MACROD2: variants seen among roughly 807,000 people sequenced by gnomAD.
MACROD2 encodes the protein mono-ADP ribosylhydrolase 2.
MACROD2 carries 36 observed loss-of-function variants against 70.4 expected under a neutral mutation model. That is an observed-to-expected ratio of 0.51 (90% CI 0.39 to 0.68). The LOEUF is 0.68. MACROD2 is among the 30% of genes least tolerant of loss of function. The pLI is 0.00. For missense variants in MACROD2, 496 were observed against 538.4 expected (o/e 0.92, Z 0.78); for synonymous variants, 172 against 178.8 (o/e 0.96, Z 0.30).
chr20:15,286,371 C>T (rs943149777), intron 6 of MACROD2, among the ~76,000 whole-genome samples: 2 of 152,070 alleles, frequency 1.3e-5, no homozygotes, highest in South Asian at 2.1e-4. Context: ...TGGGAACTAA[C>T]AACATGATTC....
rs150798380 is a variant in MACROD2, at chr20:14,969,161, T to TTATATATATATA, written c.419-260772_419-260761dup. The stretch of plus-strand genomic sequence containing the variant: ...CAAAATTATAGCACCTATCTCCAGT[T>TTATATATATATA]TATATATATATATATATAAATCTGT... On this transcript the variant is annotated intron_variant, in intron 5 of 17. Transcript: ENST00000684519. Among the ~76,000 whole-genome samples the TTATATATATATA allele has an allele frequency of 2.3e-3, 343 of 147,728 alleles. 3 individuals carry two copies. Among genetic ancestry groups the TTATATATATATA allele is most frequent in the African/African-American group, 8.0e-3 (322 of 40,220 alleles).
intron 5 of MACROD2, among the ~76,000 whole-genome samples, chr20:14,783,767 T>TA (rs1257132870): frequency 6.6e-6 from 1 of 152,086 alleles, no homozygotes. Flanking sequence ...TCAAGCCACT[T>TA]ACAACTGTGA....
At chr20:14,351,202 CT>C (rs1027770548) in intron 3 of MACROD2, among the ~76,000 whole-genome samples, 1 of 151,978 alleles carries the variant, frequency 6.6e-6, no homozygotes, top group African/African-American at 2.4e-5. Context: ...AACTACTTTT[CT>C]TTTTGTTCAG....
At chr20:15,019,055 C>T (rs1238175396) in intron 5 of MACROD2, among the ~76,000 whole-genome samples, 1 of 152,184 alleles carries the variant, frequency 6.6e-6, no homozygotes, top group East Asian at 1.9e-4. Context: ...TTTACAGCAA[C>T]ACAAAACAGA....
chr20:15,885,161 A>G (rs555856881), intron 9 of MACROD2, among the ~76,000 whole-genome samples: 63 of 152,250 alleles, frequency 4.1e-4, no homozygotes, highest in African/African-American at 1.3e-3. Context: ...CGTGTCATCT[A>G]TAGTGCAGAG....
chr20:14,196,738 GCTT>G (rs1233624287), intron 3 of MACROD2, among the ~76,000 whole-genome samples: 3 of 152,172 alleles, frequency 2.0e-5, no homozygotes, highest in African/African-American at 4.8e-5. Context: ...TTTTATTTTG[GCTT>G]CTTCATCTAT....
intron 8 of MACROD2, among the ~76,000 whole-genome samples, chr20:15,795,039 A>G (rs572418829): frequency 6.6e-6 from 1 of 152,228 alleles, no homozygotes; most frequent in East Asian, 1.9e-4. Context: ...TATGCTAGGT[A>G]GGTACTAAGA....
intron 11 of MACROD2, among the ~76,000 whole-genome samples, chr20:15,934,416 C>T (rs987711166): frequency 2.6e-5 from 4 of 152,158 alleles, no homozygotes; most frequent in African/African-American, 9.7e-5. Context: ...GTGACTGGGT[C>T]GGCCGGCGTC....
At chr20:15,844,410 G>C (rs2064206838) in intron 8 of MACROD2, among the ~76,000 whole-genome samples, 1 of 152,120 alleles carries the variant, frequency 6.6e-6, no homozygotes, top group Non-Finnish European at 1.5e-5. Context: ...AGCATTTGCT[G>C]TGTGCTCAAC....
At chr20:14,734,446 A>G (rs1312528849) in intron 5 of MACROD2, among the ~76,000 whole-genome samples, 1 of 151,548 alleles carries the variant, frequency 6.6e-6, no homozygotes, top group Non-Finnish European at 1.5e-5. Flanking sequence ...GCTTGCAGTG[A>G]GCCGAGATCA....
chr20:14,650,658 T>G (rs2123509496), intron 4 of MACROD2, among the ~76,000 whole-genome samples: 1 of 152,342 alleles, frequency 6.6e-6, no homozygotes, highest in South Asian at 2.1e-4. Context: ...TACATAACCT[T>G]AATGGAGATT....
chr20:14,218,271 T>C (rs1405359470), intron 3 of MACROD2, among the ~76,000 whole-genome samples: 1 of 152,244 alleles, frequency 6.6e-6, no homozygotes, highest in Admixed American at 6.5e-5. Context: ...ATAATGTCCC[T>C]CTTTGTCTCT....
chr20:16,041,772 A>C (rs1033269571), intron 16 of MACROD2, among the ~76,000 whole-genome samples: 1 of 152,110 alleles, frequency 6.6e-6, no homozygotes, highest in African/African-American at 2.4e-5. Context: ...AAGCACCTTA[A>C]AAATAAATTT....
At chr20:14,365,658 C>T (rs2083265147) in intron 3 of MACROD2, among the ~76,000 whole-genome samples, 1 of 151,970 alleles carries the variant, frequency 6.6e-6, no homozygotes. Flanking sequence ...TAGCTCTGCA[C>T]TTAGTTTTCT....
chr20:15,447,639 A>G (rs903907427), intron 7 of MACROD2, among the ~76,000 whole-genome samples: 3 of 152,144 alleles, frequency 2.0e-5, no homozygotes, highest in Non-Finnish European at 4.4e-5. Context: ...CCAGTGTCCA[A>G]TCGAGTTGCC....
chr20:15,686,483 C>T (rs952269452), intron 8 of MACROD2, among the ~76,000 whole-genome samples: 5 of 151,810 alleles, frequency 3.3e-5, no homozygotes, highest in African/African-American at 1.2e-4. Context: ...ATCTAGTGCC[C>T]ACTATATATA....
At chr20:14,061,450 T>C (rs577351331) in intron 2 of MACROD2, among the ~76,000 whole-genome samples, 1 of 152,212 alleles carries the variant, frequency 6.6e-6, no homozygotes, top group African/African-American at 2.4e-5. Flanking sequence ...TACAGGTTGG[T>C]GGTTGTGCAT....
intron 6 of MACROD2, among the ~76,000 whole-genome samples, chr20:15,356,498 A>G (rs757509447): frequency 1.6e-4 from 25 of 152,108 alleles, no homozygotes; most frequent in African/African-American, 6.0e-4. Flanking sequence ...TAATTTAAAC[A>G]ATAGCCAGGT....
chr20:15,001,814 A>G (rs1458306548), intron 5 of MACROD2, among the ~76,000 whole-genome samples: 7 of 151,966 alleles, frequency 4.6e-5, no homozygotes, highest in Non-Finnish European at 1.0e-4. Flanking sequence ...CCCATCACCC[A>G]AGCAGTATAC....
Sources: gnomAD v4.1 joint callset for allele counts (sites outside exome capture counted in the v4.1 genomes callset) on GRCh38, gnomAD v4.1.1 for gene constraint, MANE v1.5 for transcripts, NCBI Gene and HGNC (gene_info 2026-07-23, HGNC 2026-07-21) for gene names.